COL23A1: variants seen among roughly 807,000 people sequenced by gnomAD.
The protein encoded by COL23A1 is collagen alpha-1(XXIII) chain.
Under a neutral mutation model 99.3 loss-of-function variants are expected in COL23A1, and 97 were observed. The observed-to-expected ratio is 0.98, with a 90% CI of 0.83 to 1.16. The LOEUF is 1.16. Ranked by LOEUF, COL23A1 falls within the 50% of genes most tolerant of loss-of-function variation. The pLI is 0.00. For synonymous variants in COL23A1, 320 were observed against 308.2 expected, an observed-to-expected ratio of 1.04 and a Z score of -0.40; for missense variants, 762 against 757.4, an observed-to-expected ratio of 1.01 and a Z score of -0.07.
At position 178,306,951 on chromosome 5, in the gene COL23A1, GA is replaced by G; in HGVS notation, c.362-33del. 6.8e-7 allele frequency: 1 copy of G among 1,471,446 alleles called. No homozygotes were observed. Among genetic ancestry groups the G allele is most frequent in the Non-Finnish European group, 9.0e-7 (1 of 1,108,136 alleles). 91.1% of individuals were successfully genotyped at this position (1,471,446 alleles called of 1,614,324 possible). A position where few individuals can be genotyped will look rare whatever the true frequency, so the allele number is the denominator to read the frequency against. On this transcript the variant is annotated intron_variant, in intron 2 of 28. Transcript: ENST00000390654. This position sits in a 1 kb window ranked among gnomAD's most constrained non-coding sequence, Gnocchi z 4.1. ...AGGAAAACAAGAATGCATTCATTGA[GA>G]AGGGAAGCCAGTGGACTTGGCTGCG...
intron 12 of COL23A1, 131 bp downstream of exon 12, chr5:178,259,590 C>G: frequency 1.1e-6 from 1 of 875,212 alleles, no homozygotes; most frequent in East Asian, 2.8e-5. Flanking sequence ...GGAGAGAAGG[C>G]CGCCTTCCCT....
intron 2 of COL23A1, among the ~76,000 whole-genome samples, chr5:178,482,443 G>A (rs906440489): frequency 6.6e-6 from 1 of 152,160 alleles, no homozygotes; most frequent in South Asian, 2.1e-4. Flanking sequence ...GAACGGGGGC[G>A]GGGCAAAGAG....
At chr5:178,455,341 G>A (rs1276505961) in intron 2 of COL23A1, among the ~76,000 whole-genome samples, 1 of 152,138 alleles carries the variant, frequency 6.6e-6, no homozygotes, top group African/African-American at 2.4e-5. Flanking sequence ...TGGGGGCCAG[G>A]CCACAGGCAC....
intron 2 of COL23A1, among the ~76,000 whole-genome samples, chr5:178,485,327 T>C (rs1192517698): frequency 1.4e-5 from 2 of 144,364 alleles, no homozygotes; most frequent in South Asian, 2.2e-4. Context: ...CCAGAAAAAT[T>C]AGCTGGGCGT....
At chr5:178,525,960 A>G (rs1007179051) in intron 2 of COL23A1, among the ~76,000 whole-genome samples, 3 of 152,214 alleles carry the variant, frequency 2.0e-5, no homozygotes, top group Non-Finnish European at 4.4e-5. Context: ...ATACCTCTAG[A>G]GGGAAAGCAA....
intron 2 of COL23A1, among the ~76,000 whole-genome samples, chr5:178,526,169 G>A (rs1427465253): frequency 3.9e-5 from 6 of 152,172 alleles, no homozygotes; most frequent in Non-Finnish European, 2.9e-5. Flanking sequence ...GTAGGCCCTG[G>A]GGTCGACTCC....
chr5:178,498,257 TA>T (rs1562025810), intron 2 of COL23A1, among the ~76,000 whole-genome samples: 1 of 83,832 alleles, frequency 1.2e-5, no homozygotes, highest in Non-Finnish European at 2.4e-5. Flanking sequence ...TATATATATA[TA>T]AAAGAACTTA....
Position 178,544,001 on chromosome 5 carries a change from C to G in COL23A1, c.361+16681G>C, listed in dbSNP as rs569485067. 2.6e-5 allele frequency among the ~76,000 whole-genome samples: 4 copies of G among 152,176 alleles called. No homozygotes were observed. The highest frequency in any genetic ancestry group is 9.6e-5 in the African/African-American group (4 of 41,490). ...CCCTGGGGTCCCTTTTCTAAGGGCA[C>G]TAATCCCATCACAAGGGCTCCACTC... is the stretch of plus-strand genomic sequence containing the variant. On this transcript the variant is annotated intron_variant, in intron 2 of 28. Coordinates refer to ENST00000390654, the MANE Select transcript of COL23A1 (RefSeq NM_173465.4). The surrounding 1 kb of genome is among the most constrained non-coding windows in gnomAD (Gnocchi z 4.4).
intron 1 of COL23A1, among the ~76,000 whole-genome samples, chr5:178,580,624 G>A (rs938562394): frequency 1.3e-5 from 2 of 152,190 alleles, no homozygotes; most frequent in African/African-American, 2.4e-5. Context: ...GGTGGTGTGT[G>A]GCCTCTGGAG....
rs115965822 is a variant in COL23A1 at position 178,588,838 on chromosome 5, G to A, written c.294+1066C>T. On this transcript the variant is annotated intron_variant, in intron 1 of 28. Coordinates refer to ENST00000390654, the MANE Select transcript of COL23A1 (RefSeq NM_173465.4). ...CCAGCTGGGCAGTCTAGGGAATTGG[G>A]GGTGTACAGGCCAGTGCTCCCTCTC... Among the ~76,000 whole-genome samples, 265 of 152,286 alleles carry A rather than the reference G, an allele frequency of 1.7e-3. 2 individuals are homozygous for A. The highest frequency in any genetic ancestry group is 6.1e-3 in the African/African-American group (254 of 41,540).
At chr5:178,519,111 G>A (rs1321982758) in intron 2 of COL23A1, among the ~76,000 whole-genome samples, 5 of 152,190 alleles carry the variant, frequency 3.3e-5, no homozygotes, top group African/African-American at 7.2e-5. Context: ...CCCAGCCCGC[G>A]GCGCCTTCGA....
intron 2 of COL23A1, among the ~76,000 whole-genome samples, chr5:178,453,203 G>T (rs975876710): frequency 6.6e-6 from 1 of 152,082 alleles, no homozygotes; most frequent in South Asian, 2.1e-4. Flanking sequence ...GAGAACAAGA[G>T]ACACACACAC....
rs1761497911 is a variant in COL23A1, at chr5:178,544,890, C to T, written c.361+15792G>A. ...AGGGAGGCCAGGCTGAGCAACACAG[C>T]AAACCCCGTCTCTAGAACAACAACA... On this transcript the variant is annotated intron_variant, in intron 2 of 28. Transcript: ENST00000390654. This position sits in a 1 kb window ranked among gnomAD's most constrained non-coding sequence, Gnocchi z 4.4. Among the ~76,000 whole-genome samples the T allele has an allele frequency of 6.6e-6, 1 of 152,050 alleles. No homozygotes were observed. The highest frequency in any genetic ancestry group is 1.5e-5 in the Non-Finnish European group (1 of 67,994).
At position 178,536,804 on chromosome 5, in the gene COL23A1, G is replaced by T. The variant is rs548391380; in HGVS notation, c.361+23878C>A. 4.6e-5 allele frequency among the ~76,000 whole-genome samples: 7 copies of T among 152,366 alleles called. No individual in the cohort carries two copies. The South Asian group carries it at 6.2e-4, about 14-fold the overall frequency. ...CCGGGGAGGTGGGGCATGTGCTGAG[G>T]GGGTGGAGGATGCACATTTGGGTCA... On this transcript the variant is annotated intron_variant, in intron 2 of 28. Transcript: ENST00000390654.
rs1204248242 is a variant in COL23A1 at position 178,366,878 on chromosome 5, C to T, written c.362-59959G>A. ...TGCCCTCCTCTGCAGCCCCACGTGG[C>T]CCACTTGGCATGAGTGGCTGGCTTG... On this transcript the variant is annotated intron_variant, in intron 2 of 28. Transcript: ENST00000390654. The surrounding 1 kb of genome is among the most constrained non-coding windows in gnomAD (Gnocchi z 4.4). 1.3e-5 allele frequency among the ~76,000 whole-genome samples: 2 copies of T among 152,240 alleles called. No homozygotes were observed. The highest frequency in any genetic ancestry group is 1.3e-4 in the Admixed American group (2 of 15,288).
chr5:178,516,956 T>C (rs757028962), intron 2 of COL23A1, among the ~76,000 whole-genome samples: 8 of 152,234 alleles, frequency 5.3e-5, no homozygotes, highest in Non-Finnish European at 1.0e-4. Context: ...TATCTGTGGC[T>C]TTGTGTGTGG....
At chr5:178,342,691 A>G (rs897610553) in intron 2 of COL23A1, among the ~76,000 whole-genome samples, 1 of 152,180 alleles carries the variant, frequency 6.6e-6, no homozygotes, top group Non-Finnish European at 1.5e-5. Context: ...CCTCATCCCA[A>G]TCACATGTCC....
chr5:178,359,417 A>T (rs146600329), intron 2 of COL23A1, among the ~76,000 whole-genome samples: 2 of 152,310 alleles, frequency 1.3e-5, no homozygotes, highest in African/African-American at 4.8e-5. Flanking sequence ...AATCCCAGCT[A>T]CTTGGGAAGC....
intron 5 of COL23A1, among the ~76,000 whole-genome samples, chr5:178,283,978 G>T (rs1327719088): frequency 2.0e-5 from 3 of 152,146 alleles, no homozygotes; most frequent in Non-Finnish European, 4.4e-5. Context: ...CCCAGGCCAG[G>T]GTATGACACC....
Sources: gnomAD v4.1 joint callset for allele counts (sites outside exome capture counted in the v4.1 genomes callset) on GRCh38, gnomAD v4.1.1 for gene constraint, Gnocchi (gnomAD v3.1) non-coding constraint, MANE v1.5 for transcripts, NCBI Gene and HGNC (gene_info 2026-07-23, HGNC 2026-07-21) for gene names.